The following BAZ2B variants were observed in gnomAD, a reference collection of about 807,000 sequenced individuals.
The protein encoded by BAZ2B is bromodomain adjacent to zinc finger domain protein 2B.
In BAZ2B, 91 loss-of-function variants were observed where a neutral mutation model predicts 246.0. The observed-to-expected ratio is 0.37, with a 90% confidence interval of 0.31 to 0.44. The LOEUF (loss-of-function observed/expected upper bound fraction) is 0.44. Among genes scored for constraint, BAZ2B ranks in the 20% least tolerant of loss-of-function variants. The pLI, the probability that BAZ2B is intolerant of heterozygous loss-of-function variation, is 1.00. For synonymous variants in BAZ2B, 855 were observed against 860.0 expected (o/e 0.99, Z 0.10); for missense variants, 2,332 against 2,533.7 (o/e 0.92, Z 1.71).
intron 2 of BAZ2B, among the ~76,000 whole-genome samples, chr2:159,527,025 TGA>T (rs1283331281): frequency 6.6e-6 from 1 of 152,020 alleles, no homozygotes; most frequent in Non-Finnish European, 1.5e-5. Context: ...TGGTAATGTA[TGA>T]GAGTCTGATT....
In BAZ2B at chr2:159,349,224, C is replaced by T; in HGVS notation, c.4920G>A (p.Val1640=). 1 of 1,614,022 alleles carries T rather than the reference C, an allele frequency of 6.2e-7. No homozygotes were observed. Among genetic ancestry groups the T allele is most frequent in the South Asian group, 1.1e-5 (1 of 91,082 alleles). ...GLQFCGWPTG[V]VTSNIPFTSS... is the part of the protein sequence containing the mutation. ...ATGTAAATGGAATATTAGAAGTAACCACACCAGTGGGCCATCCACAAAACT... is the reference window on the plus strand; with the variant it reads ...ATGTAAATGGAATATTAGAAGTAACTACACCAGTGGGCCATCCACAAAACT... The change falls in exon 29 of 37, where the codon GTG becomes GTA. Residue 1640 remains valine (V), a synonymous_variant. Transcript: ENST00000392783.
chr2:159,454,517 G>A (rs2075486056), intron 3 of BAZ2B, among the ~76,000 whole-genome samples: 1 of 152,168 alleles, frequency 6.6e-6, no homozygotes, highest in South Asian at 2.1e-4. Context: ...TTGTAACACA[G>A]TGGTAAATAT....
intron 26 of BAZ2B, among the ~76,000 whole-genome samples, 155 bp downstream of exon 26, chr2:159,374,535 AT>A (rs1055728517): frequency 4.0e-5 from 6 of 150,794 alleles, no homozygotes; most frequent in South Asian, 2.1e-4. Context: ...TCCTCATCTT[AT>A]TTTTTTTTCT....
chr2:159,349,882 C>A lies in BAZ2B; in HGVS notation c.4689G>T (p.Leu1563Phe). 1 of 1,614,178 alleles carries A rather than the reference C, an allele frequency of 6.2e-7. No homozygotes were observed. The highest frequency in any genetic ancestry group is 8.5e-7 in the Non-Finnish European group (1 of 1,180,010). ...AAGTGTCATCACAGGGTGTTCGTGG[C>A]AAAAGACTAAACCATTGTCTATTCT... Reference protein sequence around the residue: ...TEKNRQWFSLLPRTPCDDTSL... With the variant: ...TEKNRQWFSLFPRTPCDDTSL... The change falls in exon 28 of 37, where the codon TTG becomes TTT. Residue 1563 changes from leucine to phenylalanine, a missense_variant. This residue lies in a region of BAZ2B where 676 missense variants were observed against 668.6 expected (regional missense o/e 1.01). Coordinates refer to ENST00000392783, the MANE Select transcript of BAZ2B (RefSeq NM_013450.4).
At chr2:159,616,579 CCTCT>C (rs1471660303), upstream of BAZ2B, 1 of 152,124 alleles carries the variant, frequency 6.6e-6, no homozygotes, top group Non-Finnish European at 1.5e-5. Flanking sequence ...CTCTCTCTCT[CCTCT>C]CTCTAACAAT....
At chr2:159,594,607 A>G (rs1343403526) in intron 1 of BAZ2B, among the ~76,000 whole-genome samples, 3 of 150,810 alleles carry the variant, frequency 2.0e-5, no homozygotes, top group Non-Finnish European at 1.5e-5. Flanking sequence ...TCTCATGTTC[A>G]AGTAAATTGA....
the BAZ2B span, among the ~76,000 whole-genome samples, chr2:159,684,813 T>C: frequency 6.6e-6 from 1 of 152,260 alleles, no homozygotes; most frequent in Non-Finnish European, 1.5e-5. Context: ...ACAATGGCAT[T>C]CTATGATATA....
chr2:159,406,883 C>G (rs1428798501), intron 14 of BAZ2B, among the ~76,000 whole-genome samples: 1 of 151,706 alleles, frequency 6.6e-6, no homozygotes, highest in African/African-American at 2.4e-5. Context: ...GCCTCCCGAG[C>G]AGCTGGGACT....
chr2:159,578,950 T>C (rs1198993362), intron 1 of BAZ2B, among the ~76,000 whole-genome samples: 1 of 152,120 alleles, frequency 6.6e-6, no homozygotes, highest in Non-Finnish European at 1.5e-5. Context: ...TTTATAGCAC[T>C]AAATGCCCAT....
chr2:159,439,640 T>C (rs1345442201), intron 6 of BAZ2B, among the ~76,000 whole-genome samples: 2 of 152,190 alleles, frequency 1.3e-5, no homozygotes, highest in Non-Finnish European at 2.9e-5. Context: ...CACACACACC[T>C]TTCTGGGTAT....
Position 159,428,359 on chromosome 2 carries a change from A to G in BAZ2B, c.2316T>C (p.Tyr772=), listed in dbSNP as rs771641106. The G allele has an allele frequency of 2.9e-5, 46 of 1,613,216 alleles. No homozygotes were observed. The highest frequency in any genetic ancestry group is 3.7e-5 in the Non-Finnish European group (44 of 1,179,624). ...TAAGTTTCTTTCCACATGGAGCATA[A>G]TATGCTACTTCTCCTTGAAGGCGCC... ...FGGRLQGEVA[Y]YAPCGKKLRQ... is the part of the protein sequence containing the mutation. The change falls in exon 12 of 37, where the codon TAT becomes TAC. Residue 772 remains tyrosine (Y), a synonymous_variant. Coordinates refer to ENST00000392783, the MANE Select transcript of BAZ2B (RefSeq NM_013450.4).
chr2:159,699,760 T>C, the BAZ2B span, among the ~76,000 whole-genome samples: 2 of 152,160 alleles, frequency 1.3e-5, no homozygotes, highest in Non-Finnish European at 2.9e-5. Flanking sequence ...AAACCTACAA[T>C]ATATTTTATT....
chr2:159,638,436 T>C, the BAZ2B span, among the ~76,000 whole-genome samples: 2 of 152,184 alleles, frequency 1.3e-5, no homozygotes, highest in Admixed American at 6.5e-5. Context: ...GAAAAAGAGA[T>C]ATATGACCTT....
intron 3 of BAZ2B, among the ~76,000 whole-genome samples, chr2:159,474,995 C>T (rs576376369): frequency 6.6e-6 from 1 of 152,096 alleles, no homozygotes; most frequent in Non-Finnish European, 1.5e-5. Context: ...AACATTTTTT[C>T]TTTCATTTCA....
At chr2:159,651,762 C>T in the BAZ2B span, among the ~76,000 whole-genome samples, 1 of 152,186 alleles carries the variant, frequency 6.6e-6, no homozygotes, top group East Asian at 1.9e-4. Context: ...TGGACTTTGC[C>T]TATTCCACAT....
At chr2:159,329,469 A>G (rs528174291) in intron 34 of BAZ2B, among the ~76,000 whole-genome samples, 90 of 152,234 alleles carry the variant, frequency 5.9e-4, no homozygotes, top group Non-Finnish European at 9.9e-4. Flanking sequence ...ATATATATGC[A>G]CACACACACA....
At chr2:159,618,242 T>G (rs1413612475), upstream of BAZ2B, among the ~76,000 whole-genome samples, 1 of 152,190 alleles carries the variant, frequency 6.6e-6, no homozygotes, top group Non-Finnish European at 1.5e-5. Context: ...ACAATTTCTC[T>G]TTTAGCAGCA....
intron 27 of BAZ2B, among the ~76,000 whole-genome samples, chr2:159,363,367 G>A (rs1010913950): frequency 1.3e-5 from 2 of 152,190 alleles, no homozygotes; most frequent in African/African-American, 4.8e-5. Flanking sequence ...TCCAGGGTTT[G>A]AGTAGAGAAT....
chr2:159,492,244 T>TA (rs1041467763), intron 2 of BAZ2B, among the ~76,000 whole-genome samples: 10 of 152,288 alleles, frequency 6.6e-5, no homozygotes, highest in Admixed American at 1.3e-4. Flanking sequence ...AAATCCTTCC[T>TA]ATGCTTTAAA....
Sources: allele counts gnomAD v4.1 joint callset (sites outside exome capture counted in the v4.1 genomes callset), GRCh38; gene constraint gnomAD v4.1.1; regional missense constraint gnomAD v4.1.1; transcripts MANE v1.5; gene names NCBI Gene and HGNC (gene_info 2026-07-23, HGNC 2026-07-21).